GCNT1: variants seen among roughly 807,000 people sequenced by gnomAD.
GCNT1 encodes the protein beta-1,3-galactosyl-O-glycosyl-glycoprotein beta-1,6-N-acetylglucosaminyltransferase.
Under a neutral mutation model 26.2 loss-of-function variants are expected in GCNT1, and 16 were observed. The ratio of observed to expected loss-of-function variants is 0.61; its 90% CI spans 0.41 to 0.93. GCNT1 has a LOEUF of 0.93. Ranked by LOEUF, GCNT1 falls within the 40% of genes least tolerant of loss-of-function variation. The pLI is 0.00. For missense variants in GCNT1, 477 were observed against 526.7 expected (o/e 0.91, Z 0.92); for synonymous variants, 183 against 190.8 (o/e 0.96, Z 0.34).
chr9:76,412,057 A>C, the GCNT1 span, among the ~76,000 whole-genome samples: 1 of 152,140 alleles, frequency 6.6e-6, no homozygotes, highest in East Asian at 1.9e-4. Flanking sequence ...TGCAATATAC[A>C]TTTACAACTA....
intron 2 of GCNT1, among the ~76,000 whole-genome samples, chr9:76,465,592 G>T (rs1823976447): frequency 6.6e-6 from 1 of 152,216 alleles, no homozygotes; most frequent in Admixed American, 6.5e-5. Flanking sequence ...AGGTCAAAAG[G>T]CTTCAGCCCC....
At chr9:76,464,753 A>G (rs1823957152) in intron 2 of GCNT1, among the ~76,000 whole-genome samples, 1 of 152,144 alleles carries the variant, frequency 6.6e-6, no homozygotes, top group South Asian at 2.1e-4. Context: ...TGAGTCCTTC[A>G]TGTTTTCTCT....
intron 2 of GCNT1, among the ~76,000 whole-genome samples, chr9:76,495,648 A>G (rs1413044216): frequency 1.3e-5 from 2 of 152,210 alleles, no homozygotes; most frequent in African/African-American, 4.8e-5. Context: ...AGCTAGACAC[A>G]GAGCACTGAT....
At chr9:76,394,065 G>A in the GCNT1 span, 1 of 1,571,634 alleles carries the variant, frequency 6.4e-7, no homozygotes, top group Non-Finnish European at 8.6e-7. Context: ...CCCGGCCCGG[G>A]GGACTCTGGC....
chr9:76,437,303 A>G (rs1429292454), upstream of GCNT1, among the ~76,000 whole-genome samples: 2 of 152,068 alleles, frequency 1.3e-5, no homozygotes, highest in African/African-American at 4.8e-5. Context: ...GTACTTAGAT[A>G]CAGGTCATGA....
At chr9:76,480,646 T>C (rs531750527) in intron 2 of GCNT1, among the ~76,000 whole-genome samples, 14 of 152,174 alleles carry the variant, frequency 9.2e-5, no homozygotes, top group Non-Finnish European at 1.9e-4. Flanking sequence ...GGAAAGAGGA[T>C]GCTTTTTCTT....
chr9:76,433,654 GCA>G (rs1192076049), intron 1 of GCNT1, among the ~76,000 whole-genome samples: 1 of 152,226 alleles, frequency 6.6e-6, no homozygotes, highest in African/African-American at 2.4e-5. Flanking sequence ...TGCAAGCCAG[GCA>G]CAGTTTGGCA....
the GCNT1 span, among the ~76,000 whole-genome samples, chr9:76,400,924 T>C: frequency 2.0e-5 from 3 of 152,198 alleles, no homozygotes; most frequent in East Asian, 3.8e-4. Flanking sequence ...TAGAGCTTAG[T>C]AGTAGGTAAG....
In GCNT1 at chr9:76,495,733, G is replaced by A. The variant is rs150011495; in HGVS notation, c.-289-5183G>A. ...CAATAAGGCCACTCAAATTCAAGAG[G>A]GAGGGAATTTGACTACTTCTTGGTT... On this transcript the variant is annotated intron_variant, in intron 2 of 3. Transcript: ENST00000376730. 2.9e-3 allele frequency among the ~76,000 whole-genome samples: 446 copies of A among 152,308 alleles called. 1 individual carries two copies. Among genetic ancestry groups the A allele is most frequent in the Admixed American group, 6.7e-3 (102 of 15,300 alleles).
At chr9:76,469,419 T>C (rs1301499629) in intron 2 of GCNT1, among the ~76,000 whole-genome samples, 1 of 152,176 alleles carries the variant, frequency 6.6e-6, no homozygotes, top group Non-Finnish European at 1.5e-5. Flanking sequence ...GCCAATCATC[T>C]ATTGCCTGAG....
intron 2 of GCNT1, among the ~76,000 whole-genome samples, chr9:76,487,509 G>T (rs775361802): frequency 2.6e-5 from 4 of 152,228 alleles, no homozygotes; most frequent in Non-Finnish European, 4.4e-5. Flanking sequence ...ATGCATAGAT[G>T]TGTGCATATG....
intron 1 of GCNT1, among the ~76,000 whole-genome samples, chr9:76,425,097 C>T (rs938944021): frequency 2.1e-5 from 3 of 140,416 alleles, no homozygotes; most frequent in Non-Finnish European, 4.6e-5. Context: ...CGAGATCGTG[C>T]CACTGCACTC....
At chr9:76,433,458 G>A (rs1237720221) in intron 1 of GCNT1, among the ~76,000 whole-genome samples, 1 of 152,218 alleles carries the variant, frequency 6.6e-6, no homozygotes, top group Non-Finnish European at 1.5e-5. Context: ...CCCCTCATCT[G>A]TATGCTGGAG....
At chr9:76,454,042 A>C (rs998174571) in intron 1 of GCNT1, among the ~76,000 whole-genome samples, 1 of 152,206 alleles carries the variant, frequency 6.6e-6, no homozygotes, top group African/African-American at 2.4e-5. Flanking sequence ...AAGGTCAGGC[A>C]GAAAAGGGTT....
Position 76,502,737 on chromosome 9 carries a change from C to A in GCNT1, c.356C>A (p.Ala119Glu), listed in dbSNP as rs149611385. ...YIVEPLSKEEAEFPIAYSIVV... is the reference protein window; with the variant it reads ...YIVEPLSKEEEEFPIAYSIVV... The stretch of plus-strand genomic sequence containing the variant: ...GTAGAACCCCTTAGTAAAGAAGAGG[C>A]GGAGTTTCCAATAGCATATTCTATA... Residue 119 changes from alanine (A) to glutamate (E), a missense_variant, in exon 4 of 4, where the codon GCG becomes GAG. Physicochemically the swap from Ala to Glu is moderately radical, Grantham distance 107. Coordinates refer to ENST00000376730, the MANE Select transcript of GCNT1 (RefSeq NM_001490.5). 551 of 1,613,910 alleles carry A rather than the reference C, an allele frequency of 3.4e-4. 2 individuals carry two copies. In the African/African-American group the frequency reaches 5.8e-3, roughly 17 times the overall value.
chr9:76,411,521 A>G, the GCNT1 span, among the ~76,000 whole-genome samples: 46 of 150,164 alleles, frequency 3.1e-4, 1 homozygote, highest in South Asian at 9.7e-3. Flanking sequence ...TAGAGATAGT[A>G]TCTCACTATG....
upstream of GCNT1, among the ~76,000 whole-genome samples, chr9:76,440,076 G>T (rs117959141): frequency 0.021 from 3,196 of 151,282 alleles, 51 homozygotes; most frequent in Non-Finnish European, 0.036. Context: ...ACTCCAGCCT[G>T]GGCAAGAGCG....
At chr9:76,476,456 C>T (rs72747351) in intron 2 of GCNT1, among the ~76,000 whole-genome samples, 6,994 of 151,428 alleles carry the variant, frequency 0.046, 175 homozygotes, top group East Asian at 0.11. Flanking sequence ...AGAAAAAAGT[C>T]CATTACTCTT....
chr9:76,501,489 C>T (rs565986054), intron 3 of GCNT1, among the ~76,000 whole-genome samples: 48 of 152,242 alleles, frequency 3.2e-4, no homozygotes, highest in Non-Finnish European at 5.4e-4. Flanking sequence ...ATGCAGAAAA[C>T]GCAAGCTGTA....
Sources: allele counts gnomAD v4.1 joint callset (sites outside exome capture counted in the v4.1 genomes callset), GRCh38; gene constraint gnomAD v4.1.1; transcripts MANE v1.5; gene names NCBI Gene and HGNC (gene_info 2026-07-23, HGNC 2026-07-21).